TMEM61: variants seen among roughly 807,000 people sequenced by gnomAD.
The protein encoded by TMEM61 is transmembrane protein 61.
A neutral mutation model predicts 12.0 loss-of-function variants in TMEM61; 13 were observed. The observed-to-expected ratio is 1.08, with a 90% CI of 0.70 to 1.72. TMEM61 has a LOEUF of 1.72. Ranked by LOEUF, TMEM61 falls within the 40% of genes most tolerant of loss-of-function variation. The pLI is 0.00. For missense variants in TMEM61, 249 were observed against 276.9 expected (o/e 0.90, Z 0.71); for synonymous variants, 109 against 121.4 (o/e 0.90, Z 0.67).
intron 1 of TMEM61, among the ~76,000 whole-genome samples, chr1:54,984,982 T>C (rs148417313): frequency 1.0e-3 from 157 of 152,272 alleles, no homozygotes; most frequent in Non-Finnish European, 1.9e-3. Flanking sequence ...TTTTATTTAA[T>C]TGAGACAACA....
Position 54,980,943 on chromosome 1 carries a change from G to A in TMEM61, c.-123G>A. On this transcript the variant is annotated 5_prime_UTR_variant, in exon 1 of 3. Coordinates refer to ENST00000371268, the MANE Select transcript of TMEM61 (RefSeq NM_182532.3). The stretch of plus-strand genomic sequence containing the variant: ...AGGCCCCTCCGCCCCTAACACCCGC[G>A]CCTCCTGCAGACCCGAGGGTCGCCG... 3 of 1,066,512 alleles carry A rather than the reference G, an allele frequency of 2.8e-6. No individual in the cohort carries two copies. The highest frequency in any genetic ancestry group is 2.6e-6 in the Non-Finnish European group (2 of 777,148). 66.1% of individuals were successfully genotyped at this position (1,066,512 alleles called of 1,614,324 possible). A position where few individuals can be genotyped will look rare whatever the true frequency, so the allele number is the denominator to read the frequency against.
At chr1:54,982,269 C>A (rs1489262783) in intron 1 of TMEM61, among the ~76,000 whole-genome samples, 1 of 152,082 alleles carries the variant, frequency 6.6e-6, no homozygotes, top group African/African-American at 2.4e-5. Context: ...CTGTAGACAG[C>A]CTTCTGGGAA....
chr1:54,985,790 G>T (rs959421910), intron 1 of TMEM61, among the ~76,000 whole-genome samples: 1 of 152,122 alleles, frequency 6.6e-6, no homozygotes, highest in African/African-American at 2.4e-5. Context: ...GTCAGGGTGG[G>T]AAGTTTTAGA....
Position 54,991,926 on chromosome 1 carries a change from G to A in TMEM61, c.456G>A (p.Thr152=), listed in dbSNP as rs1176086265. ...EGPPTPPAYP[T]EEALEPSGSR... ...CCCCAACACCACCTGCATACCCTAC[G>A]GAGGAAGCCCTGGAGCCAAGTGGAT... The change falls in exon 3 of 3, where the codon ACG becomes ACA. Residue 152 remains threonine, a synonymous_variant. Transcript: ENST00000371268. 15 of 1,614,032 alleles carry A rather than the reference G, an allele frequency of 9.3e-6. No homozygotes were observed. Among genetic ancestry groups the A allele is most frequent in the East Asian group, 2.2e-5 (1 of 44,896 alleles).
rs1418553996 is a variant in TMEM61, at chr1:54,986,339, G to A, written c.258G>A (p.Leu86=). The part of the protein sequence containing the change: ...AGGLLLLIGL[L]WSVKASIPGP... ...GCCTGCTGCTGCTCATTGGCCTGCTGTGGTCCGTCAAGGCCAGCATCCCAG... is the reference window on the plus strand; with the variant it reads ...GCCTGCTGCTGCTCATTGGCCTGCTATGGTCCGTCAAGGCCAGCATCCCAG... Residue 86 remains leucine (L), a synonymous_variant, in exon 2 of 3, where the codon CTG becomes CTA. Coordinates refer to ENST00000371268, the MANE Select transcript of TMEM61 (RefSeq NM_182532.3). 1.9e-6 allele frequency: 3 copies of A among 1,614,088 alleles called. No homozygotes were observed. In the African/African-American group the frequency reaches 4.0e-5, roughly 22 times the overall value.
At position 54,982,300 on chromosome 1, in the gene TMEM61, G is replaced by C. The variant is rs113320563; in HGVS notation, c.15+1220G>C. The stretch of plus-strand genomic sequence containing the variant: ...GGGAAGGGGTGCAATGAGAGTCCTG[G>C]ATGTAAGCAGAGGGCGCTCCAGGTG... On this transcript the variant is annotated intron_variant, in intron 1 of 2. Coordinates refer to ENST00000371268, the MANE Select transcript of TMEM61 (RefSeq NM_182532.3). 5.1e-3 allele frequency among the ~76,000 whole-genome samples: 784 copies of C among 152,294 alleles called. 4 individuals carry two copies. The highest frequency in any genetic ancestry group is 0.018 in the African/African-American group (750 of 41,546).
Position 54,980,935 on chromosome 1 carries a change from A to T in TMEM61, c.-131A>T. ...CAGCGGCCAGGCCCCTCCGCCCCTA[A>T]CACCCGCGCCTCCTGCAGACCCGAG... On this transcript the variant is annotated 5_prime_UTR_variant, in exon 1 of 3. Coordinates refer to ENST00000371268, the MANE Select transcript of TMEM61 (RefSeq NM_182532.3). The T allele has an allele frequency of 1.0e-6, 1 of 1,004,526 alleles. No individual in the cohort carries two copies. The highest frequency in any genetic ancestry group is 1.4e-6 in the Non-Finnish European group (1 of 721,984). The allele number at this position is 1,004,526 out of a possible 1,614,324, so 62.2% of individuals were successfully genotyped here.
intron 2 of TMEM61, among the ~76,000 whole-genome samples, chr1:54,989,010 G>T (rs950537807): frequency 6.6e-6 from 1 of 152,206 alleles, no homozygotes; most frequent in Non-Finnish European, 1.5e-5. Context: ...AGGCTCAGAT[G>T]AGATGAGAGT....
intron 2 of TMEM61, among the ~76,000 whole-genome samples, chr1:54,990,780 C>T (rs2249484): frequency 0.8 from 120,972 of 151,998 alleles, 48,303 homozygotes; most frequent in Admixed American, 0.84. Flanking sequence ...TGCTGCCCTC[C>T]GTGAGCCCAT....
chr1:54,981,065 G>A lies in TMEM61; in HGVS notation c.-1G>A, dbSNP rs140158363. ...GGACAGCGCCTGCTGCCCGCCTCCC[G>A]ATGGCCCTGCCCCAGGTGGGTGGAA... is the stretch of plus-strand genomic sequence containing the variant. On this transcript the variant is annotated 5_prime_UTR_variant, in exon 1 of 3. Transcript: ENST00000371268. 6.9e-6 allele frequency: 11 copies of A among 1,584,558 alleles called. No individual in the cohort carries two copies. The African/African-American group carries it at 1.2e-4, about 17-fold the overall frequency.
intron 2 of TMEM61, among the ~76,000 whole-genome samples, chr1:54,986,868 C>T (rs79979012): frequency 6.8e-4 from 103 of 151,848 alleles, no homozygotes; most frequent in African/African-American, 2.4e-3. Flanking sequence ...TCATGCAATC[C>T]CCCTAAGCTT....
chr1:54,991,735 G>T, intron 2 of TMEM61, 101 bp from the exon 3 acceptor site: 1 of 1,364,304 alleles, frequency 7.3e-7, no homozygotes, highest in Non-Finnish European at 1.0e-6. Flanking sequence ...CTTGGAGCAG[G>T]GTGTGAAGAC....
rs748057353 is a variant in TMEM61 at position 54,986,101 on chromosome 1, G to A, written c.20G>A (p.Cys7Tyr). The A allele has an allele frequency of 1.9e-6, 3 of 1,582,708 alleles. No homozygotes were observed. The highest frequency in any genetic ancestry group is 2.3e-5 in the East Asian group (1 of 44,372). Residue 7 changes from cysteine to tyrosine, a missense_variant, in exon 2 of 3, where the codon TGT becomes TAT. Transcript: ENST00000371268. ...TCCCTCCTTCTCTGTGTCCAGATGT[G>A]TGACGGGAGCCACTTGGCCTCCACC... is the stretch of plus-strand genomic sequence containing the variant. MALPQM[C>Y]DGSHLASTLR...
chr1:54,982,394 A>G (rs1243467563), intron 1 of TMEM61, among the ~76,000 whole-genome samples: 1 of 152,160 alleles, frequency 6.6e-6, no homozygotes, highest in Non-Finnish European at 1.5e-5. Context: ...GCTGATAGTG[A>G]CATCCCTGAC....
chr1:54,986,595 G>A (rs771803254), intron 2 of TMEM61, 149 bp downstream of exon 2: 2 of 711,336 alleles, frequency 2.8e-6, no homozygotes, highest in South Asian at 2.1e-5. Context: ...GTACACGGAA[G>A]CTGATCAGTA....
At position 54,991,919 on chromosome 1, in the gene TMEM61, A is replaced by G; in HGVS notation, c.449A>G (p.Tyr150Cys). Residue 150 changes from tyrosine (Y) to cysteine (C), a missense_variant, in exon 3 of 3, where the codon TAC becomes TGC. By Grantham distance (194) the Tyr-to-Cys change is radical. Transcript: ENST00000371268. ...VAEGPPTPPA[Y>C]PTEEALEPSG... ...GAGGGGCCCCCAACACCACCTGCAT[A>G]CCCTACGGAGGAAGCCCTGGAGCCA... 6.2e-7 allele frequency: 1 copy of G among 1,614,034 alleles called. No individual in the cohort carries two copies.
In TMEM61 at chr1:54,981,085, G is replaced by T. The variant is rs1239976902; in HGVS notation, c.15+5G>T. ...CTCCCGATGGCCCTGCCCCAGGTGG[G>T]TGGAAACGGCCTTCTCCCTCCTTTA... On this transcript the variant is annotated splice_donor_5th_base_variant and intron_variant, in intron 1 of 2. Coordinates refer to ENST00000371268, the MANE Select transcript of TMEM61 (RefSeq NM_182532.3). The T allele has an allele frequency of 2.5e-6, 4 of 1,588,584 alleles. No individual in the cohort carries two copies. In the Admixed American group the frequency reaches 5.3e-5, roughly 21 times the overall value.
chr1:54,987,045 A>C (rs138005339), intron 2 of TMEM61, among the ~76,000 whole-genome samples: 1 of 152,296 alleles, frequency 6.6e-6, no homozygotes, highest in Non-Finnish European at 1.5e-5. Flanking sequence ...TTCCATTTGT[A>C]AAGGAGGAAA....
chr1:54,982,380 G>C (rs2433675), intron 1 of TMEM61, among the ~76,000 whole-genome samples: 111,653 of 151,966 alleles, frequency 0.73, 41,535 homozygotes, highest in Non-Finnish European at 0.8. Flanking sequence ...GGTGAGAACA[G>C]CCTGCTGATA....
Sources: gnomAD v4.1 joint callset for allele counts (sites outside exome capture counted in the v4.1 genomes callset) on GRCh38, gnomAD v4.1.1 for gene constraint, MANE v1.5 for transcripts, NCBI Gene and HGNC (gene_info 2026-07-23, HGNC 2026-07-21) for gene names.